The following MDFIC2 variants were observed in gnomAD, a reference collection of about 807,000 sequenced individuals.
The protein encoded by MDFIC2 is MyoD family inhibitor domain containing 2, also known as myoD family inhibitor domain-containing protein 2.
chr3:70,222,013 T>C (rs1022319452), intron 2 of MDFIC2, among the ~76,000 whole-genome samples: 1 of 152,158 alleles, frequency 6.6e-6, no homozygotes, highest in Non-Finnish European at 1.5e-5. Context: ...AAGTGTTCCA[T>C]AGGCGAGTGC....
intron 2 of MDFIC2, among the ~76,000 whole-genome samples, chr3:70,234,538 G>A (rs1701589929): frequency 6.6e-6 from 1 of 151,964 alleles, no homozygotes; most frequent in East Asian, 1.9e-4. Flanking sequence ...AGTCCCAGAG[G>A]CTGAGGTGGG....
intron 2 of MDFIC2, among the ~76,000 whole-genome samples, chr3:70,237,388 A>G (rs1701620184): frequency 6.6e-6 from 1 of 152,188 alleles, no homozygotes; most frequent in Admixed American, 6.5e-5. Flanking sequence ...ACCAAATAAA[A>G]AAGCCCATTT....
intron 2 of MDFIC2, among the ~76,000 whole-genome samples, chr3:70,229,673 C>T (rs1277572288): frequency 1.3e-5 from 2 of 152,148 alleles, no homozygotes; most frequent in Admixed American, 6.5e-5. Context: ...TGGTAGACAA[C>T]TCTGATGAGC....
chr3:70,218,100 A>G (rs17006857), intron 2 of MDFIC2, among the ~76,000 whole-genome samples: 8,957 of 152,186 alleles, frequency 0.059, 413 homozygotes, highest in East Asian at 0.25. Flanking sequence ...AAAAGGCCTC[A>G]CTGGGGATTT....
chr3:70,281,801 A>T (rs1702086494), intron 2 of MDFIC2, among the ~76,000 whole-genome samples: 1 of 152,164 alleles, frequency 6.6e-6, no homozygotes, highest in East Asian at 1.9e-4. Context: ...ATTCTTGCAC[A>T]TATGAATCAT....
Position 70,287,269 on chromosome 3 carries a change from G to C in MDFIC2, c.88+24617C>G, listed in dbSNP as rs1234881672. 4.0e-4 allele frequency among the ~76,000 whole-genome samples: 53 copies of C among 133,976 alleles called. 1 individual carries two copies. Among genetic ancestry groups the C allele is most frequent in the Non-Finnish European group, 5.6e-4 (35 of 62,238 alleles). The allele number at this position is 133,976 out of a possible 152,430, so 87.9% of individuals were successfully genotyped here. On this transcript the variant is annotated intron_variant, in intron 2 of 3. Coordinates refer to ENST00000567252, the MANE Select transcript of MDFIC2 (RefSeq NM_001364677.1). ...TTTATTGAGAGTTTTTAGCATGAAG[G>C]GTTGTTGAATTTTGTCAAAGGCCTT... is the stretch of plus-strand genomic sequence containing the variant.
intron 2 of MDFIC2, among the ~76,000 whole-genome samples, chr3:70,257,961 G>A (rs1490856385): frequency 1.3e-5 from 2 of 152,230 alleles, no homozygotes; most frequent in East Asian, 1.9e-4. Flanking sequence ...TGAAGAGTTC[G>A]GAAATAAAGC....
intron 2 of MDFIC2, 105 bp downstream of exon 2, chr3:70,311,781 A>G (rs1702455688): frequency 5.1e-6 from 2 of 392,440 alleles, no homozygotes; most frequent in Non-Finnish European, 9.0e-6. Flanking sequence ...AAGTACTACT[A>G]TTTGAACGGT....
chr3:70,231,352 T>C (rs1379264067), intron 2 of MDFIC2, among the ~76,000 whole-genome samples: 1 of 152,204 alleles, frequency 6.6e-6, no homozygotes, highest in Non-Finnish European at 1.5e-5. Flanking sequence ...GCCATCTCTC[T>C]CTGGGATCAA....
At chr3:70,218,214 A>G (rs1701432862) in intron 2 of MDFIC2, among the ~76,000 whole-genome samples, 2 of 152,186 alleles carry the variant, frequency 1.3e-5, no homozygotes, top group South Asian at 4.1e-4. Flanking sequence ...CAATGGGGTT[A>G]AAACACTTAT....
intron 2 of MDFIC2, among the ~76,000 whole-genome samples, chr3:70,260,490 C>T (rs970497384): frequency 6.6e-6 from 1 of 152,022 alleles, no homozygotes; most frequent in Non-Finnish European, 1.5e-5. Flanking sequence ...CGTAACAGCC[C>T]CATTCCCTAT....
At chr3:70,309,560 A>G (rs914862409) in intron 2 of MDFIC2, among the ~76,000 whole-genome samples, 2 of 152,214 alleles carry the variant, frequency 1.3e-5, no homozygotes, top group Non-Finnish European at 2.9e-5. Flanking sequence ...TCACCCAGCT[A>G]GTAGATGGCT....
At chr3:70,279,104 C>T (rs963102458) in intron 2 of MDFIC2, among the ~76,000 whole-genome samples, 6 of 150,196 alleles carry the variant, frequency 4.0e-5, no homozygotes, top group African/African-American at 7.4e-5. Flanking sequence ...AAATGACATA[C>T]TAGATAGATT....
intron 2 of MDFIC2, among the ~76,000 whole-genome samples, chr3:70,242,976 A>G (rs1701676455): frequency 6.6e-6 from 1 of 152,212 alleles, no homozygotes; most frequent in South Asian, 2.1e-4. Context: ...GGCCTAACCT[A>G]AATACTAATT....
At chr3:70,202,693 A>G (rs1278024678) in intron 3 of MDFIC2, among the ~76,000 whole-genome samples, 7 of 152,042 alleles carry the variant, frequency 4.6e-5, no homozygotes, top group Admixed American at 2.6e-4. Flanking sequence ...GCCATGACAA[A>G]AACCCCTTTG....
chr3:70,275,408 G>C (rs1208480643), intron 2 of MDFIC2, among the ~76,000 whole-genome samples: 1 of 152,140 alleles, frequency 6.6e-6, no homozygotes, highest in Non-Finnish European at 1.5e-5. Context: ...CCAGCTACTA[G>C]GGAGGCTGAG....
At chr3:70,242,674 T>C (rs1701674520) in intron 2 of MDFIC2, among the ~76,000 whole-genome samples, 1 of 152,236 alleles carries the variant, frequency 6.6e-6, no homozygotes, top group African/African-American at 2.4e-5. Context: ...ATGAAAAATG[T>C]GTATATCTAT....
intron 2 of MDFIC2, among the ~76,000 whole-genome samples, chr3:70,292,573 T>C (rs915789849): frequency 1.3e-5 from 2 of 152,158 alleles, no homozygotes; most frequent in Non-Finnish European, 2.9e-5. Context: ...TGTAAGTATT[T>C]TTTATGCCAA....
chr3:70,291,027 G>C (rs376926704), intron 2 of MDFIC2, among the ~76,000 whole-genome samples: 13 of 152,320 alleles, frequency 8.5e-5, no homozygotes, highest in African/African-American at 3.1e-4. Flanking sequence ...CTTCTGCTTC[G>C]CTCACGCTGG....
Sources: allele counts gnomAD v4.1 joint callset (sites outside exome capture counted in the v4.1 genomes callset), GRCh38; gene constraint gnomAD v4.1.1; transcripts MANE v1.5; gene names NCBI Gene and HGNC (gene_info 2026-07-23, HGNC 2026-07-21).